The following EPB41L4A variants were observed in gnomAD, a reference collection of about 807,000 sequenced individuals.
The protein encoded by EPB41L4A is erythrocyte membrane protein band 4.1 like 4A, also known as band 4.1-like protein 4A.
EPB41L4A carries 100 observed loss-of-function variants against 108.6 expected under a neutral mutation model. The ratio of observed to expected loss-of-function variants is 0.92; its 90% confidence interval spans 0.78 to 1.09. EPB41L4A has a LOEUF of 1.09. Among genes scored for constraint, EPB41L4A ranks in the 50% least tolerant of loss-of-function variants. The pLI is 0.00. For synonymous variants in EPB41L4A, 319 were observed against 289.0 expected (o/e 1.10, Z -1.05); for missense variants, 1,030 against 842.7 (o/e 1.22, Z -2.75).
chr5:112,307,513 T>C (rs748540018), intron 1 of EPB41L4A, 23 bp from the exon 2 acceptor site: 1 of 1,566,986 alleles, frequency 6.4e-7, no homozygotes, highest in Non-Finnish European at 8.8e-7. Flanking sequence ...TTCAGTTTTA[T>C]ATTTTTTAAC....
At chr5:112,187,458 T>A (rs1390208562) in intron 17 of EPB41L4A, among the ~76,000 whole-genome samples, 2 of 152,196 alleles carry the variant, frequency 1.3e-5, no homozygotes, top group East Asian at 3.8e-4. Context: ...ATTTCTTCCA[T>A]CTCTTACCAA....
intron 1 of EPB41L4A, among the ~76,000 whole-genome samples, chr5:112,351,466 C>G (rs1420875309): frequency 6.6e-6 from 1 of 152,068 alleles, no homozygotes; most frequent in African/African-American, 2.4e-5. Context: ...GAGATTAGAT[C>G]AGAAATAAAA....
At chr5:112,392,264 A>G (rs1760999523) in intron 1 of EPB41L4A, among the ~76,000 whole-genome samples, 1 of 152,182 alleles carries the variant, frequency 6.6e-6, no homozygotes, top group South Asian at 2.1e-4. Context: ...GCCCCAATTA[A>G]AAGACACAGA....
intron 18 of EPB41L4A, among the ~76,000 whole-genome samples, chr5:112,171,370 A>G (rs1760571230): frequency 1.3e-5 from 2 of 152,248 alleles, no homozygotes. Context: ...CTGATTCTAA[A>G]AAGTTCCAAC....
intron 1 of EPB41L4A, among the ~76,000 whole-genome samples, chr5:112,326,629 A>G (rs529518276): frequency 6.6e-6 from 1 of 152,102 alleles, no homozygotes; most frequent in Non-Finnish European, 1.5e-5. Flanking sequence ...TTCATTTACC[A>G]TTGCTTACTT....
intron 12 of EPB41L4A, among the ~76,000 whole-genome samples, chr5:112,150,871 A>G (rs1759439760): frequency 1.3e-5 from 2 of 152,226 alleles, no homozygotes; most frequent in South Asian, 4.1e-4. Flanking sequence ...TGAGAGTGAA[A>G]CAAAGACATT....
chr5:112,205,452 G>T lies in EPB41L4A; in HGVS notation c.1231C>A (p.His411Asn). 1.2e-6 allele frequency: 2 copies of T among 1,613,982 alleles called. No homozygotes were observed. Among genetic ancestry groups the T allele is most frequent in the East Asian group, 4.5e-5 (2 of 44,868 alleles). The stretch of plus-strand genomic sequence containing the variant: ...GGGCCATTTTCTTCCCACGGTGCAT[G>T]AGATTTGCTTCTTTGGGTATCAGGG... ...NSPDTQRSKS[H>N]APWEENGPQS... is the part of the protein sequence containing the mutation. The change falls in exon 14 of 23, where the codon CAT becomes AAT. Residue 411 changes from histidine (H) to asparagine (N), a missense_variant. By Grantham distance (68) the His-to-Asn change is moderately conservative (BLOSUM62 1). Coordinates refer to ENST00000261486, the MANE Select transcript of EPB41L4A (RefSeq NM_022140.5).
At chr5:112,329,936 G>A (rs773873992) in intron 1 of EPB41L4A, among the ~76,000 whole-genome samples, 8 of 152,180 alleles carry the variant, frequency 5.3e-5, no homozygotes, top group Non-Finnish European at 1.0e-4. Context: ...CTATGTGACT[G>A]TCGGCAAGTC....
At chr5:112,275,099 A>G (rs1490319092) in intron 4 of EPB41L4A, 3 of 425,492 alleles carry the variant, frequency 7.1e-6, no homozygotes, top group African/African-American at 6.3e-5. Context: ...GCAGATGCAA[A>G]ATGTATCATC....
intron 1 of EPB41L4A, among the ~76,000 whole-genome samples, chr5:112,367,225 C>T (rs1331758359): frequency 6.6e-6 from 1 of 152,376 alleles, no homozygotes; most frequent in East Asian, 1.9e-4. Flanking sequence ...AAGAACCTAA[C>T]TCCTGGATCA....
At chr5:112,320,952 G>A (rs371547539) in intron 1 of EPB41L4A, among the ~76,000 whole-genome samples, 10 of 152,264 alleles carry the variant, frequency 6.6e-5, no homozygotes, top group African/African-American at 1.2e-4. Context: ...CTGAGTTGGC[G>A]CCCCCACTGT....
chr5:112,416,074 G>A (rs1369105670), intron 1 of EPB41L4A, among the ~76,000 whole-genome samples: 2 of 150,790 alleles, frequency 1.3e-5, no homozygotes, highest in African/African-American at 5.0e-5. Context: ...CATATAAGAT[G>A]AGTAACTGTT....
intron 12 of EPB41L4A, among the ~76,000 whole-genome samples, chr5:112,212,963 AAC>A (rs546474680): frequency 5.3e-5 from 8 of 152,256 alleles, no homozygotes; most frequent in Non-Finnish European, 1.2e-4. Context: ...TCCAAAAATT[AAC>A]AGAGAAAAAC....
chr5:112,413,851 A>AG (rs1226603316), intron 1 of EPB41L4A, among the ~76,000 whole-genome samples: 3 of 152,230 alleles, frequency 2.0e-5, no homozygotes, highest in African/African-American at 2.4e-5. Flanking sequence ...TTGGACTGGC[A>AG]GGGCTAGATC....
At chr5:112,394,616 C>T (rs1209125167) in intron 1 of EPB41L4A, among the ~76,000 whole-genome samples, 3 of 152,150 alleles carry the variant, frequency 2.0e-5, no homozygotes, top group Admixed American at 2.0e-4. Flanking sequence ...GAAGAACATT[C>T]CATGCTCATG....
chr5:112,263,603 T>C (rs1296543547), intron 6 of EPB41L4A: 1 of 152,150 alleles, frequency 6.6e-6, no homozygotes, highest in Non-Finnish European at 1.5e-5. Flanking sequence ...TTCCTAATGT[T>C]ATAACAAGCA....
intron 16 of EPB41L4A, among the ~76,000 whole-genome samples, chr5:112,195,226 T>C (rs1761902925): frequency 1.3e-5 from 2 of 151,640 alleles, no homozygotes; most frequent in African/African-American, 2.4e-5. Context: ...TGCAGAGAGG[T>C]CCCAGGCCTC....
Position 112,164,110 on chromosome 5 carries a change from A to C in EPB41L4A, c.*880T>G, listed in dbSNP as rs909067007. On this transcript the variant is annotated 3_prime_UTR_variant, in exon 23 of 23. Coordinates refer to ENST00000261486, the MANE Select transcript of EPB41L4A (RefSeq NM_022140.5). ...GATGGATCATTTGAGGTTTGGGGTG[A>C]CAGATCAACTGAGATCCACTTACAC... is the stretch of plus-strand genomic sequence containing the variant. 6.6e-6 allele frequency: 1 copy of C among 152,214 alleles called. No individual in the cohort carries two copies. Among genetic ancestry groups the C allele is most frequent in the Non-Finnish European group, 1.5e-5 (1 of 68,044 alleles). The allele number at this position is 152,214 out of a possible 1,614,324, so 9.4% of individuals were successfully genotyped here.
At chr5:112,306,463 A>G (rs1297275404) in intron 2 of EPB41L4A, among the ~76,000 whole-genome samples, 1 of 152,278 alleles carries the variant, frequency 6.6e-6, no homozygotes, top group East Asian at 1.9e-4. Context: ...GAAAAGTCAC[A>G]AGTGATCACC....
Sources: allele counts gnomAD v4.1 joint callset (sites outside exome capture counted in the v4.1 genomes callset), GRCh38; gene constraint gnomAD v4.1.1; transcripts MANE v1.5; gene names NCBI Gene and HGNC (gene_info 2026-07-23, HGNC 2026-07-21).